The following ADAMTS16 variants were observed in gnomAD, a reference collection of about 807,000 sequenced individuals.
ADAMTS16 encodes A disintegrin and metalloproteinase with thrombospondin motifs 16.
In ADAMTS16, 94 loss-of-function variants were observed where a neutral mutation model predicts 145.8. That is an observed-to-expected ratio of 0.64 (90% CI 0.55 to 0.77). The LOEUF (loss-of-function observed/expected upper bound fraction) is 0.77, where lower values mean the gene tolerates loss of function less well. Among genes scored for constraint, ADAMTS16 ranks in the 30% least tolerant of loss-of-function variants. The pLI is 0.00. For missense variants in ADAMTS16, 1,585 were observed against 1,591.5 expected, an observed-to-expected ratio of 1.00 and a Z score of 0.07; for synonymous variants, 659 against 604.3, an observed-to-expected ratio of 1.09 and a Z score of -1.33.
Position 5,186,060 on chromosome 5 carries a change from C to T in ADAMTS16, c.772C>T (p.Gln258Ter). The T allele has an allele frequency of 1.2e-6, 2 of 1,612,822 alleles. No individual in the cohort carries two copies. The highest frequency in any genetic ancestry group is 2.2e-5 in the East Asian group (1 of 44,866). ...FCGRRKKYMP[Q>*]PPKEDLFILP... ...CATGTGTCCCTCCATAGACATGCCCCAGCCTCCCAAGGAAGACCTCTTCAT... is the reference window on the plus strand; with the variant it reads ...CATGTGTCCCTCCATAGACATGCCCTAGCCTCCCAAGGAAGACCTCTTCAT... The change falls in exon 5 of 23, where the codon CAG becomes TAG. Residue 258 changes from glutamine to a stop codon, truncating the protein, a stop_gained. Coordinates refer to ENST00000274181, the MANE Select transcript of ADAMTS16 (RefSeq NM_139056.4). LOFTEE classifies it high-confidence loss of function.
At chr5:5,215,071 A>G (rs1318907804) in intron 10 of ADAMTS16, among the ~76,000 whole-genome samples, 2 of 152,192 alleles carry the variant, frequency 1.3e-5, no homozygotes, top group Admixed American at 6.5e-5. Flanking sequence ...TTAGGAAGGG[A>G]TGAATCTCTT....
intron 17 of ADAMTS16, among the ~76,000 whole-genome samples, chr5:5,259,675 C>T (rs554813607): frequency 6.6e-6 from 1 of 152,344 alleles, no homozygotes; most frequent in South Asian, 2.1e-4. Context: ...GAGTATTCAT[C>T]TCACTCAGTA....
chr5:5,144,194 T>G (rs180870876), intron 2 of ADAMTS16, among the ~76,000 whole-genome samples: 181 of 152,118 alleles, frequency 1.2e-3, no homozygotes, highest in African/African-American at 4.0e-3. Flanking sequence ...TAAAATAGAA[T>G]TGTGCTAGTT....
At chr5:5,267,563 T>A (rs1424526191) in intron 18 of ADAMTS16, among the ~76,000 whole-genome samples, 1 of 152,152 alleles carries the variant, frequency 6.6e-6, no homozygotes, top group Admixed American at 6.5e-5. Context: ...CCTGCCGGCA[T>A]CTGCTGGTGC....
chr5:5,182,402 G>A lies in ADAMTS16; in HGVS notation c.763+97G>A, dbSNP rs1735367482. 12 of 1,477,598 alleles carry A rather than the reference G, an allele frequency of 8.1e-6. No individual in the cohort carries two copies. In the East Asian group the frequency reaches 1.2e-4, roughly 14 times the overall value. The allele number at this position is 1,477,598 out of a possible 1,614,324, so 91.5% of individuals were successfully genotyped here. ...TTTTCTTCAAAGCATGTCTGCCCAC[G>A]GGGTGAAATCTATGGACTGTCGTTG... On this transcript the variant is annotated intron_variant, in intron 4 of 22. Transcript: ENST00000274181.
intron 3 of ADAMTS16, among the ~76,000 whole-genome samples, chr5:5,147,479 T>C (rs1035103625): frequency 2.1e-4 from 32 of 152,232 alleles, no homozygotes; most frequent in African/African-American, 7.5e-4. Context: ...TTTCTTAAAA[T>C]ACTAAATATA....
chr5:5,231,628 AC>A (rs1406418534), intron 11 of ADAMTS16, among the ~76,000 whole-genome samples: 1 of 152,150 alleles, frequency 6.6e-6, no homozygotes, highest in Non-Finnish European at 1.5e-5. Context: ...AGAAGTTCAT[AC>A]CAAACCACCC....
At position 5,303,331 on chromosome 5, in the gene ADAMTS16, C is replaced by G. The variant is rs754078654; in HGVS notation, c.2853C>G (p.Pro951=). 7.5e-6 allele frequency: 12 copies of G among 1,606,092 alleles called. No homozygotes were observed. The highest frequency in any genetic ancestry group is 1.1e-5 in the South Asian group (1 of 89,888). Residue 951 remains proline, a synonymous_variant, in exon 19 of 23, where the codon CCC becomes CCG. Coordinates refer to ENST00000274181, the MANE Select transcript of ADAMTS16 (RefSeq NM_139056.4). ...RTCGGGAQSR[P]VQCTRRVHYD... ...GTGGCGGGGGTGCCCAGAGCCGCCC[C>G]GTGCAGTGCACACGGCGGGTGCACT...
chr5:5,308,956 A>G (rs995599750), intron 21 of ADAMTS16, among the ~76,000 whole-genome samples: 1 of 152,040 alleles, frequency 6.6e-6, no homozygotes, highest in Non-Finnish European at 1.5e-5. Flanking sequence ...TCTCAAAAAA[A>G]AAAAAAAAAA....
chr5:5,169,080 C>G (rs1734977702), intron 3 of ADAMTS16, among the ~76,000 whole-genome samples: 1 of 151,980 alleles, frequency 6.6e-6, no homozygotes, highest in Non-Finnish European at 1.5e-5. Context: ...GGCTTGGAAA[C>G]TCAGGTTGAT....
intron 20 of ADAMTS16, among the ~76,000 whole-genome samples, chr5:5,304,289 A>C (rs1739928184): frequency 6.6e-6 from 1 of 152,192 alleles, no homozygotes; most frequent in African/African-American, 2.4e-5. Context: ...GAGGCTGGGA[A>C]GCCGTTTCCT....
intron 9 of ADAMTS16, among the ~76,000 whole-genome samples, chr5:5,206,424 T>TAAAAAAAAA (rs1461106424): frequency 3.3e-4 from 1 of 3,076 alleles, no homozygotes; most frequent in Non-Finnish European, 5.5e-4. Context: ...AGACTCCGTC[T>TAAAAAAAAA]CAAAAAAAAA....
chr5:5,146,076 AT>A (rs1734283580), intron 2 of ADAMTS16, 53 bp from the exon 3 acceptor site: 1 of 1,485,982 alleles, frequency 6.7e-7, no homozygotes, highest in Non-Finnish European at 9.3e-7. Context: ...AGACTTCCTG[AT>A]TCTTCTCGGA....
chr5:5,254,102 T>C (rs1479219334), intron 17 of ADAMTS16, among the ~76,000 whole-genome samples: 4 of 152,200 alleles, frequency 2.6e-5, no homozygotes, highest in Non-Finnish European at 2.9e-5. Flanking sequence ...ACAGGGGTCA[T>C]TTCCCAGTTA....
chr5:5,250,157 T>C (rs1021726339), intron 17 of ADAMTS16, among the ~76,000 whole-genome samples: 2 of 151,882 alleles, frequency 1.3e-5, no homozygotes, highest in Non-Finnish European at 2.9e-5. Flanking sequence ...ACAGGAAGAG[T>C]TCTCACTTTG....
intron 10 of ADAMTS16, among the ~76,000 whole-genome samples, chr5:5,217,508 A>T (rs187105831): frequency 6.6e-6 from 1 of 152,262 alleles, no homozygotes; most frequent in Non-Finnish European, 1.5e-5. Flanking sequence ...TGAGTCTGTA[A>T]TCCGACTCAA....
chr5:5,200,678 T>C (rs1735930423), intron 9 of ADAMTS16, among the ~76,000 whole-genome samples: 1 of 152,204 alleles, frequency 6.6e-6, no homozygotes, highest in South Asian at 2.1e-4. Flanking sequence ...CTTTATTTTT[T>C]CTTTCTTTTC....
chr5:5,311,487 C>T (rs575495859), intron 21 of ADAMTS16, among the ~76,000 whole-genome samples: 32 of 151,884 alleles, frequency 2.1e-4, no homozygotes, highest in Admixed American at 4.6e-4. Flanking sequence ...CCCTTCACTC[C>T]GCTCGCTGGA....
rs1209807811 is a variant in ADAMTS16 at position 5,319,591 on chromosome 5, C to A, written c.*453C>A. 1 of 301,342 alleles carries A rather than the reference C, an allele frequency of 3.3e-6. No individual in the cohort carries two copies. The highest frequency in any genetic ancestry group is 6.4e-6 in the Non-Finnish European group (1 of 156,398). The allele number at this position is 301,342 out of a possible 1,614,324, so 18.7% of individuals were successfully genotyped here. ...CAGCCTCCCCTCCCACTAGGAGGGC[C>A]CCTCGAGCCATCAGGAGTGACCAAC... On this transcript the variant is annotated 3_prime_UTR_variant, in exon 23 of 23. Coordinates refer to ENST00000274181, the MANE Select transcript of ADAMTS16 (RefSeq NM_139056.4).
Sources: gnomAD v4.1 joint callset for allele counts (sites outside exome capture counted in the v4.1 genomes callset) on GRCh38, gnomAD v4.1.1 for gene constraint, MANE v1.5 for transcripts, NCBI Gene and HGNC (gene_info 2026-07-23, HGNC 2026-07-21) for gene names.